The following MRPS25 variants were observed in gnomAD, a reference collection of about 807,000 sequenced individuals.
The protein encoded by MRPS25 is mitochondrial ribosomal protein S25, also known as small ribosomal subunit protein mS25.
MRPS25 carries 15 observed loss-of-function variants against 17.3 expected under a neutral mutation model. The observed-to-expected ratio is 0.87, with a 90% CI of 0.58 to 1.34. The LOEUF is 1.34. Ranked by LOEUF, MRPS25 falls within the 40% of genes most tolerant of loss-of-function variation. The pLI is 0.00. For missense variants in MRPS25, 225 were observed against 218.6 expected (o/e 1.03, Z -0.19); for synonymous variants, 94 against 83.3 (o/e 1.13, Z -0.70).
chr3:15,054,164 T>C (rs1013181311), intron 2 of MRPS25, among the ~76,000 whole-genome samples: 3 of 151,456 alleles, frequency 2.0e-5, no homozygotes, highest in South Asian at 4.2e-4. Context: ...TGAGTGGAGA[T>C]AGCACCACTG....
At chr3:15,047,520 GCT>G (rs1374279124), downstream of MRPS25, 10 of 152,226 alleles carry the variant, frequency 6.6e-5, no homozygotes, top group African/African-American at 2.4e-4. Flanking sequence ...CAGCTATTCA[GCT>G]CTGTTGAGTA....
chr3:15,061,934 GC>G (rs2042770242), intron 1 of MRPS25, among the ~76,000 whole-genome samples: 2 of 147,734 alleles, frequency 1.4e-5, no homozygotes, highest in Non-Finnish European at 3.0e-5. Context: ...GAGCCCCTCC[GC>G]CCGGCAGCCG....
At chr3:15,062,449 G>GT (rs1432108154) in intron 1 of MRPS25, among the ~76,000 whole-genome samples, 2 of 143,322 alleles carry the variant, frequency 1.4e-5, no homozygotes, top group African/African-American at 2.6e-5. Flanking sequence ...GAGGTGGGGG[G>GT]GGTCAGCCCC....
intron 1 of MRPS25, among the ~76,000 whole-genome samples, chr3:15,061,641 G>A (rs997360818): frequency 4.6e-5 from 7 of 152,066 alleles, no homozygotes; most frequent in East Asian, 3.9e-4. Flanking sequence ...CCACCACCCC[G>A]TCTGGGAAGT....
chr3:15,048,342 A>G (rs1445441114), downstream of MRPS25: 2 of 152,682 alleles, frequency 1.3e-5, no homozygotes, highest in Non-Finnish European at 2.9e-5. Context: ...GAAACTTGAC[A>G]GTCTCTAAAT....
Position 15,048,983 on chromosome 3 carries a change from A to C in MRPS25, c.*3458T>G, listed in dbSNP as rs1275234607. ...CATTACATTTTAATGCCAGGTTTAAAACCTGTTGAAAGCTGCAGCTTTATA... is the reference window on the plus strand; with the variant it reads ...CATTACATTTTAATGCCAGGTTTAACACCTGTTGAAAGCTGCAGCTTTATA... On this transcript the variant is annotated 3_prime_UTR_variant, in exon 4 of 4. Transcript: ENST00000253686. 1.3e-5 allele frequency: 2 copies of C among 152,664 alleles called. No homozygotes were observed. The highest frequency in any genetic ancestry group is 2.9e-5 in the Non-Finnish European group (2 of 68,046). The allele number at this position is 152,664 out of a possible 1,614,324, so 9.5% of individuals were successfully genotyped here.
chr3:15,065,010 TG>T, intron 1 of MRPS25, 50 bp downstream of exon 1: 1 of 1,562,692 alleles, frequency 6.4e-7, no homozygotes, highest in East Asian at 2.3e-5. Flanking sequence ...ACCAGCAGGC[TG>T]GCACGACTAG....
Position 15,053,676 on chromosome 3 carries a change from A to G in MRPS25, c.242-209T>C, listed in dbSNP as rs2042636850. 4 of 611,548 alleles carry G rather than the reference A, an allele frequency of 6.5e-6. No homozygotes were observed. In the Admixed American group the frequency reaches 1.1e-4, roughly 17 times the overall value. 37.9% of individuals were successfully genotyped at this position (611,548 alleles called of 1,614,324 possible). ...ATAAACTTTAGATATGTAAAAAAACATGCCATTTTAATAGAAAGACATTCC... is the reference window on the plus strand; with the variant it reads ...ATAAACTTTAGATATGTAAAAAAACGTGCCATTTTAATAGAAAGACATTCC... On this transcript the variant is annotated intron_variant, in intron 2 of 3. Transcript: ENST00000253686.
At position 15,062,146 on chromosome 3, in the gene MRPS25, G is replaced by A. The variant is rs1455605040; in HGVS notation, c.135-2671C>T. Among the ~76,000 whole-genome samples, 9 of 39,828 alleles carry A rather than the reference G, an allele frequency of 2.3e-4. 1 individual carries two copies. Among genetic ancestry groups the A allele is most frequent in the African/African-American group, 9.1e-4 (7 of 7,670 alleles). 26.1% of individuals were successfully genotyped at this position (39,828 alleles called of 152,430 possible). A position where few individuals can be genotyped will look rare whatever the true frequency, so the allele number is the denominator to read the frequency against. Reference sequence around the variant, plus strand: ...ATCCGGGAGGGAGTGCGGCGGGTCAGCCCCCCGCCCGGCCAGCCGCCCCGT... The same window carrying A: ...ATCCGGGAGGGAGTGCGGCGGGTCAACCCCCCGCCCGGCCAGCCGCCCCGT... On this transcript the variant is annotated intron_variant, in intron 1 of 3. Coordinates refer to ENST00000253686, the MANE Select transcript of MRPS25 (RefSeq NM_022497.5).
chr3:15,053,667 T>C, intron 2 of MRPS25, 200 bp from the exon 3 acceptor site: 1 of 634,506 alleles, frequency 1.6e-6, no homozygotes. Context: ...TTTAGATATG[T>C]AAAAAAACAT....
intron 1 of MRPS25, among the ~76,000 whole-genome samples, 195 bp from the exon 2 acceptor site, chr3:15,059,670 G>A (rs566703484): frequency 6.6e-6 from 1 of 152,264 alleles, no homozygotes; most frequent in South Asian, 2.1e-4. Flanking sequence ...AGGCATCTGA[G>A]GGGAAAGAAA....
In MRPS25 at chr3:15,052,637, C is replaced by T. The variant is rs748511826; in HGVS notation, c.330-4G>A. ...CTCCTCTTCCCTGAGGGTTTCCCTG[C>T]CAAAGAGCACAGACGGCAACCAAGC... On this transcript the variant is annotated splice_region_variant and splice_polypyrimidine_tract_variant and intron_variant, in intron 3 of 3. Coordinates refer to ENST00000253686, the MANE Select transcript of MRPS25 (RefSeq NM_022497.5). The T allele has an allele frequency of 6.2e-7, 1 of 1,612,846 alleles. No homozygotes were observed. Among genetic ancestry groups the T allele is most frequent in the Admixed American group, 1.7e-5 (1 of 59,996 alleles).
At position 15,050,488 on chromosome 3, in the gene MRPS25, A is replaced by G; in HGVS notation, c.*1953T>C. On this transcript the variant is annotated 3_prime_UTR_variant, in exon 4 of 4. Coordinates refer to ENST00000253686, the MANE Select transcript of MRPS25 (RefSeq NM_022497.5). ...TGTGTCACTAGCTATGGAGACCTAC[A>G]CTGCAGATGAAAGCCAAAAGGAACT... 1 of 986,124 alleles carries G rather than the reference A, an allele frequency of 1.0e-6. No individual in the cohort carries two copies. The highest frequency in any genetic ancestry group is 1.7e-5 in the African/African-American group (1 of 57,360). The allele number at this position is 986,124 out of a possible 1,614,324, so 61.1% of individuals were successfully genotyped here.
In MRPS25 at chr3:15,065,303, T is replaced by A. The variant is rs368602044; in HGVS notation, c.-109A>T. 2.1e-6 allele frequency: 3 copies of A among 1,406,060 alleles called. No individual in the cohort carries two copies. Among genetic ancestry groups the A allele is most frequent in the East Asian group, 2.7e-5 (1 of 36,982 alleles). 87.1% of individuals were successfully genotyped at this position (1,406,060 alleles called of 1,614,324 possible). A position where few individuals can be genotyped will look rare whatever the true frequency, so the allele number is the denominator to read the frequency against. ...CACGCGGCTTCTCCCCAGAGCCAGG[T>A]TCCACTTCCCGCGCAGACGCACAGG... On this transcript the variant is annotated 5_prime_UTR_variant, in exon 1 of 4. Transcript: ENST00000253686.
At chr3:15,042,707 G>A (rs62240395), downstream of MRPS25, 1 of 749,162 alleles carries the variant, frequency 1.3e-6, no homozygotes, top group Non-Finnish European at 2.2e-6. Flanking sequence ...AGAAAAGAGA[G>A]GTGGGTGGAT....
At chr3:15,042,990 C>G (rs1180014233), downstream of MRPS25, 5 of 1,614,080 alleles carry the variant, frequency 3.1e-6, no homozygotes, top group Non-Finnish European at 4.2e-6. Context: ...ATGGCCAGAT[C>G]ACCGGAGCCA....
intron 1 of MRPS25, among the ~76,000 whole-genome samples, chr3:15,060,531 A>T (rs568961317): frequency 6.6e-6 from 1 of 151,306 alleles, no homozygotes; most frequent in African/African-American, 2.4e-5. Flanking sequence ...AAAAAAAAAA[A>T]AAAGAAAAGT....
chr3:15,050,979 G>C lies in MRPS25; in HGVS notation c.*1462C>G. 1.0e-6 allele frequency: 1 copy of C among 985,240 alleles called. No individual in the cohort carries two copies. Among genetic ancestry groups the C allele is most frequent in the Non-Finnish European group, 1.2e-6 (1 of 829,776 alleles). 61.0% of individuals were successfully genotyped at this position (985,240 alleles called of 1,614,324 possible). ...TTTCCCCATTTTACAGACAAAACCA[G>C]TTACAGACCTGGAAAGCTTTTAGGA... On this transcript the variant is annotated 3_prime_UTR_variant, in exon 4 of 4. Transcript: ENST00000253686.
intron 1 of MRPS25, among the ~76,000 whole-genome samples, chr3:15,062,917 G>T (rs2042798648): frequency 6.6e-6 from 1 of 151,906 alleles, no homozygotes; most frequent in Non-Finnish European, 1.5e-5. Context: ...AAGTACCCAG[G>T]GACACAAACA....
Sources: allele counts gnomAD v4.1 joint callset (sites outside exome capture counted in the v4.1 genomes callset), GRCh38; gene constraint gnomAD v4.1.1; transcripts MANE v1.5; gene names NCBI Gene and HGNC (gene_info 2026-07-23, HGNC 2026-07-21).